ARID2: variants seen among roughly 807,000 people sequenced by gnomAD.
ARID2 encodes the protein AT-rich interactive domain-containing protein 2.
Under a neutral mutation model 184.6 loss-of-function variants are expected in ARID2, and 32 were observed. The ratio of observed to expected loss-of-function variants is 0.17; its 90% CI spans 0.13 to 0.23. ARID2 has a LOEUF of 0.23. Ranked by LOEUF, ARID2 falls within the 10% of genes least tolerant of loss-of-function variation. ARID2 has a pLI of 1.00. For missense variants in ARID2, 1,696 were observed against 2,197.6 expected (o/e 0.77, Z 4.56); for synonymous variants, 836 against 772.6 (o/e 1.08, Z -1.36).
Position 45,729,724 on chromosome 12 carries a change from C to A in ARID2, c.-113C>A. 2 of 1,091,318 alleles carry A rather than the reference C, an allele frequency of 1.8e-6. No individual in the cohort carries two copies. The highest frequency in any genetic ancestry group is 1.3e-6 in the Non-Finnish European group (1 of 771,858). 67.6% of individuals were successfully genotyped at this position (1,091,318 alleles called of 1,614,324 possible). A position where few individuals can be genotyped will look rare whatever the true frequency, so the allele number is the denominator to read the frequency against. On this transcript the variant is annotated 5_prime_UTR_variant, in exon 1 of 21. Coordinates refer to ENST00000334344, the MANE Select transcript of ARID2 (RefSeq NM_152641.4). ...CGCCACCGCCGGCCCATGACTGAGC[C>A]CCGCCGCCGCCGGCCGAGGAATGGG...
intron 6 of ARID2, among the ~76,000 whole-genome samples, chr12:45,822,445 A>G (rs959004855): frequency 6.6e-5 from 10 of 152,254 alleles, no homozygotes; most frequent in African/African-American, 2.2e-4. Context: ...TTGAGGTGGG[A>G]GGATTGCTTG....
intron 3 of ARID2, among the ~76,000 whole-genome samples, chr12:45,785,779 A>G (rs1467092095): frequency 6.6e-6 from 1 of 152,166 alleles, no homozygotes; most frequent in African/African-American, 2.4e-5. Flanking sequence ...TTTTGGTCCT[A>G]AGCATTTTGG....
intron 6 of ARID2, among the ~76,000 whole-genome samples, chr12:45,833,915 T>A (rs1943167101): frequency 6.6e-6 from 1 of 152,206 alleles, no homozygotes; most frequent in Non-Finnish European, 1.5e-5. Context: ...TTTCTCTGCA[T>A]AACTCTTCCC....
At chr12:45,806,417 A>G (rs755071295) in intron 3 of ARID2, among the ~76,000 whole-genome samples, 5 of 152,056 alleles carry the variant, frequency 3.3e-5, no homozygotes, top group African/African-American at 1.2e-4. Flanking sequence ...ACATTCTTCT[A>G]TTACATCAAT....
rs773013756 is a variant in ARID2, at chr12:45,852,504, C to T, written c.4381C>T (p.Pro1461Ser). The T allele has an allele frequency of 5.6e-6, 9 of 1,614,012 alleles. 1 individual carries two copies. Among genetic ancestry groups the T allele is most frequent in the Admixed American group, 1.7e-5 (1 of 59,988 alleles). ...PLASSLNSDVPQQRPSVVVSP... is the reference protein window; with the variant it reads ...PLASSLNSDVSQQRPSVVVSP... The stretch of plus-strand genomic sequence containing the variant: ...AGCTTCAAGTTTGAATTCAGATGTG[C>T]CTCAGCAACGCCCAAGTGTAGTTGT... Residue 1461 changes from proline to serine, a missense_variant, in exon 15 of 21, where the codon CCT becomes TCT. Physicochemically the swap from Pro to Ser is moderately conservative, Grantham distance 74. Around this residue, in one of 11 missense-constraint regions of ARID2, gnomAD observed 428 missense variants for 409.1 expected, o/e 1.05. Transcript: ENST00000334344.
rs561366668 is a variant in ARID2 at position 45,880,492 on chromosome 12, C to T, written c.4923-11288C>T. Among the ~76,000 whole-genome samples the T allele has an allele frequency of 2.6e-5, 4 of 152,158 alleles. No individual in the cohort carries two copies. In the South Asian group the frequency reaches 8.3e-4, roughly 32 times the overall value. On this transcript the variant is annotated intron_variant, in intron 16 of 20. Coordinates refer to ENST00000334344, the MANE Select transcript of ARID2 (RefSeq NM_152641.4). ...AAGTTCCTATTGTAAGGTATAATTA[C>T]TCCTACTGTACAAGCCAGAATAATT...
intron 3 of ARID2, among the ~76,000 whole-genome samples, chr12:45,802,189 T>A (rs1488545573): frequency 6.6e-6 from 1 of 151,368 alleles, no homozygotes; most frequent in Non-Finnish European, 1.5e-5. Flanking sequence ...ACCTCATCCT[T>A]CCCAGTAGCT....
At chr12:45,755,547 G>C (rs1381389602) in intron 3 of ARID2, among the ~76,000 whole-genome samples, 2 of 152,156 alleles carry the variant, frequency 1.3e-5, no homozygotes, top group Non-Finnish European at 2.9e-5. Flanking sequence ...AGAAGAACAG[G>C]TTAATAGAGA....
At chr12:45,833,553 T>G (rs1469295899) in intron 6 of ARID2, among the ~76,000 whole-genome samples, 3 of 152,138 alleles carry the variant, frequency 2.0e-5, no homozygotes, top group Non-Finnish European at 2.9e-5. Flanking sequence ...GTGACATTGT[T>G]GAGTGTCTGA....
At chr12:45,732,070 C>A (rs550191871) in intron 3 of ARID2, among the ~76,000 whole-genome samples, 50 of 148,708 alleles carry the variant, frequency 3.4e-4, no homozygotes, top group African/African-American at 1.2e-3. Flanking sequence ...TGTGATTTAG[C>A]GTTTTTTTTT....
In ARID2 at chr12:45,849,848, A is replaced by T. The variant is rs1031179417; in HGVS notation, c.1912+72A>T. On this transcript the variant is annotated intron_variant, in intron 14 of 20. Coordinates refer to ENST00000334344, the MANE Select transcript of ARID2 (RefSeq NM_152641.4). ...AAACTGAATGAAAAATATATATTCT[A>T]TGCATTTTAAATGTATAACTTTTGT... 5.5e-6 allele frequency: 8 copies of T among 1,467,160 alleles called. No individual in the cohort carries two copies. In the South Asian group the frequency reaches 1.1e-4, roughly 20 times the overall value. The allele number at this position is 1,467,160 out of a possible 1,614,324, so 90.9% of individuals were successfully genotyped here.
In ARID2 at chr12:45,906,013, T is replaced by A. The variant is rs1944525524; in HGVS notation, c.*935T>A. 2 of 230,148 alleles carry A rather than the reference T, an allele frequency of 8.7e-6. No individual in the cohort carries two copies. Among genetic ancestry groups the A allele is most frequent in the Non-Finnish European group, 1.7e-5 (2 of 116,792 alleles). The allele number at this position is 230,148 out of a possible 1,614,324, so 14.3% of individuals were successfully genotyped here. On this transcript the variant is annotated 3_prime_UTR_variant, in exon 21 of 21. Coordinates refer to ENST00000334344, the MANE Select transcript of ARID2 (RefSeq NM_152641.4). The stretch of plus-strand genomic sequence containing the variant: ...TTTTGCTGGCTGAAAGAGTATGGAA[T>A]AATATATCTCATGTCATTTTTTAGA...
chr12:45,775,940 C>T (rs749903639), intron 3 of ARID2: 7 of 157,302 alleles, frequency 4.5e-5, no homozygotes, highest in East Asian at 1.9e-4. Flanking sequence ...GGTGAAAATC[C>T]GGTGGTACCA....
chr12:45,840,801 G>A (rs1231396389), intron 11 of ARID2: 1 of 152,150 alleles, frequency 6.6e-6, no homozygotes, highest in African/African-American at 2.4e-5. Flanking sequence ...TGCAAAGTAT[G>A]TAATAAGTAT....
intron 3 of ARID2, among the ~76,000 whole-genome samples, chr12:45,772,384 G>GCC (rs1355096771): frequency 6.6e-6 from 1 of 152,138 alleles, no homozygotes; most frequent in Non-Finnish European, 1.5e-5. Flanking sequence ...GAGCCCAGTA[G>GCC]TTAAGAGCCA....
At chr12:45,867,040 T>C (rs1943842241) in intron 16 of ARID2, among the ~76,000 whole-genome samples, 1 of 151,950 alleles carries the variant, frequency 6.6e-6, no homozygotes, top group Non-Finnish European at 1.5e-5. Context: ...AACCTCCACC[T>C]CCCAAGTTCA....
chr12:45,869,697 A>G (rs1220142493), intron 16 of ARID2, among the ~76,000 whole-genome samples: 1 of 151,926 alleles, frequency 6.6e-6, no homozygotes, highest in African/African-American at 2.4e-5. Flanking sequence ...AGCCTGGCCA[A>G]TATGGTGAAA....
chr12:45,746,892 G>A (rs1469410112), intron 3 of ARID2, among the ~76,000 whole-genome samples: 1 of 151,950 alleles, frequency 6.6e-6, no homozygotes, highest in Admixed American at 6.6e-5. Flanking sequence ...TCAGCCTCCC[G>A]AGTAGCTGGG....
intron 3 of ARID2, among the ~76,000 whole-genome samples, chr12:45,808,736 CGTGTGT>C (rs138992855): frequency 2.8e-4 from 42 of 147,586 alleles, no homozygotes; most frequent in African/African-American, 6.2e-4. Context: ...TGTTTGCGTG[CGTGTGT>C]GTGTGTGTGT....
Sources: gnomAD v4.1 joint callset for allele counts (sites outside exome capture counted in the v4.1 genomes callset) on GRCh38, gnomAD v4.1.1 for gene constraint, gnomAD v4.1.1 regional missense constraint, MANE v1.5 for transcripts, NCBI Gene and HGNC (gene_info 2026-07-23, HGNC 2026-07-21) for gene names.